The following MLIP variants were observed in gnomAD, a reference collection of about 807,000 sequenced individuals.
The protein encoded by MLIP is muscular LMNA interacting protein.
MLIP carries 79 observed loss-of-function variants against 84.8 expected under a neutral mutation model. That is an observed-to-expected ratio of 0.93 (90% CI 0.78 to 1.12). MLIP has a LOEUF of 1.12. Among genes scored for constraint, MLIP ranks in the 50% most tolerant of loss-of-function variants. The pLI is 0.00. For synonymous variants in MLIP, 504 were observed against 463.0 expected (o/e 1.09, Z -1.14); for missense variants, 1,257 against 1,160.6 (o/e 1.08, Z -1.21).
chr6:54,150,442 G>C (rs1773323730), intron 5 of MLIP, among the ~76,000 whole-genome samples: 1 of 152,164 alleles, frequency 6.6e-6, no homozygotes, highest in Non-Finnish European at 1.5e-5. Context: ...CATAATGGTG[G>C]GAGATGGTGG....
chr6:54,157,947 G>A (rs1353852800), intron 5 of MLIP, among the ~76,000 whole-genome samples: 1 of 152,132 alleles, frequency 6.6e-6, no homozygotes, highest in Non-Finnish European at 1.5e-5. Flanking sequence ...ATACAGAGAA[G>A]TGGATTTTGA....
chr6:54,189,866 G>A lies in MLIP; in HGVS notation c.2545-4G>A. 1.3e-6 allele frequency: 2 copies of A among 1,593,298 alleles called. No individual in the cohort carries two copies. The highest frequency in any genetic ancestry group is 1.7e-6 in the Non-Finnish European group (2 of 1,162,048). On this transcript the variant is annotated splice_polypyrimidine_tract_variant and splice_region_variant and intron_variant, in intron 9 of 13. Transcript: ENST00000502396. Reference sequence around the variant, plus strand: ...CTAATAAATGCCATGTTTATGTTTTGCAGGCAAATCTCTCCTCACCATCTT... The same window carrying A: ...CTAATAAATGCCATGTTTATGTTTTACAGGCAAATCTCTCCTCACCATCTT...
At chr6:54,034,912 T>C (rs1764340965) in intron 1 of MLIP, among the ~76,000 whole-genome samples, 1 of 152,176 alleles carries the variant, frequency 6.6e-6, no homozygotes, top group Admixed American at 6.5e-5. Flanking sequence ...TATACAGGTG[T>C]GCCATTTTTT....
chr6:54,253,901 T>C (rs1178156197), intron 12 of MLIP, among the ~76,000 whole-genome samples: 1 of 152,128 alleles, frequency 6.6e-6, no homozygotes, highest in Admixed American at 6.6e-5. Flanking sequence ...GTGCTTTGTC[T>C]CAATTCTCTT....
upstream of MLIP, among the ~76,000 whole-genome samples, chr6:54,107,123 T>C (rs1407229): frequency 0.56 from 84,427 of 152,090 alleles, 25,386 homozygotes; most frequent in South Asian, 0.71. Context: ...CTACCCTGTA[T>C]AGGGCTTATT....
At position 54,137,196 on chromosome 6, in the gene MLIP, G is replaced by T. The variant is rs1333229112; in HGVS notation, c.1127G>T (p.Ser376Ile). 6.5e-7 allele frequency: 1 copy of T among 1,536,010 alleles called. No homozygotes were observed. Among genetic ancestry groups the T allele is most frequent in the South Asian group, 1.2e-5 (1 of 84,050 alleles). Residue 376 changes from serine (S) to isoleucine (I), a missense_variant, in exon 4 of 14, where the codon AGC (serine) becomes ATC (isoleucine). Coordinates refer to ENST00000502396, the MANE Select transcript of MLIP (RefSeq NM_001281747.2). ...VRIVTHSLSP[S>I]PKPFTSSFHG... is the part of the protein sequence containing the mutation. ...ATTGTCACGCATTCACTCTCTCCGA[G>T]CCCCAAACCATTTACCTCCTCTTTC...
chr6:54,118,893 C>T (rs1055310223), intron 1 of MLIP, among the ~76,000 whole-genome samples: 14 of 152,032 alleles, frequency 9.2e-5, no homozygotes, highest in African/African-American at 3.4e-4. Flanking sequence ...CACAAATGGC[C>T]AACAGGTATA....
chr6:54,225,989 C>G (rs1023621969), intron 11 of MLIP, among the ~76,000 whole-genome samples: 13 of 152,090 alleles, frequency 8.5e-5, no homozygotes, highest in African/African-American at 3.1e-4. Flanking sequence ...AAGCTAAATC[C>G]TAGGCTGGCC....
At chr6:54,057,263 T>C (rs763869166) in intron 1 of MLIP, among the ~76,000 whole-genome samples, 7 of 152,100 alleles carry the variant, frequency 4.6e-5, no homozygotes, top group Non-Finnish European at 7.3e-5. Flanking sequence ...CTACACTGGG[T>C]AGATGGGAGG....
At position 54,189,907 on chromosome 6, in the gene MLIP, G is replaced by A. The variant is rs1481677562; in HGVS notation, c.2582G>A (p.Ser861Asn). 5 of 1,602,244 alleles carry A rather than the reference G, an allele frequency of 3.1e-6. No homozygotes were observed. The African/African-American group carries it at 5.4e-5, about 17-fold the overall frequency. Residue 861 changes from serine to asparagine, a missense_variant, in exon 10 of 14, where the codon AGT (serine) becomes AAT (asparagine). Physicochemically the swap from Ser to Asn is conservative, Grantham distance 46. Coordinates refer to ENST00000502396, the MANE Select transcript of MLIP (RefSeq NM_001281747.2). ...LSSPSSTVSE[S>N]QLTKPGVIRP... ...TCACCATCTTCTACAGTATCTGAGA[G>A]TCAGCTGGTATGTATCTTCTAAGTC...
At chr6:54,244,729 G>T (rs1781962117) in intron 12 of MLIP, among the ~76,000 whole-genome samples, 1 of 151,958 alleles carries the variant, frequency 6.6e-6, no homozygotes, top group Non-Finnish European at 1.5e-5. Context: ...TAAAACAGTT[G>T]GCTTTTAAAT....
intron 1 of MLIP, among the ~76,000 whole-genome samples, chr6:54,086,121 C>T (rs1424974603): frequency 6.6e-6 from 1 of 152,160 alleles, no homozygotes; most frequent in Admixed American, 6.5e-5. Flanking sequence ...CTCACATTTA[C>T]CACCTCTGCA....
intron 8 of MLIP, among the ~76,000 whole-genome samples, chr6:54,163,682 C>A (rs1774889787): frequency 6.6e-6 from 1 of 151,944 alleles, no homozygotes; most frequent in Admixed American, 6.6e-5. Context: ...CAAGCACATA[C>A]ATATACAATT....
intron 1 of MLIP, chr6:54,046,314 A>AT (rs1435258216): frequency 1.3e-5 from 2 of 150,966 alleles, no homozygotes; most frequent in Admixed American, 6.6e-5. Context: ...AAGAAAACTC[A>AT]TTTTTTATTT....
chr6:54,123,842 T>C (rs634042), intron 2 of MLIP, among the ~76,000 whole-genome samples: 58,228 of 152,020 alleles, frequency 0.38, 11,407 homozygotes, highest in Admixed American at 0.47. Context: ...TCTTGTAAAC[T>C]ATGTATTCAC....
rs559050858 is a variant in MLIP at position 54,187,914 on chromosome 6, G to T, written c.2545-1956G>T. On this transcript the variant is annotated intron_variant, in intron 9 of 13. Coordinates refer to ENST00000502396, the MANE Select transcript of MLIP (RefSeq NM_001281747.2). The stretch of plus-strand genomic sequence containing the variant: ...CTCAGGTATTCCGGAGGCTGAGCCA[G>T]CGGAATCACTTGAAACTGGGAGGCA... Among the ~76,000 whole-genome samples, 5 of 152,312 alleles carry T rather than the reference G, an allele frequency of 3.3e-5. No homozygotes were observed. The East Asian group carries it at 9.6e-4, about 29-fold the overall frequency.
At chr6:54,055,792 AT>A (rs1765627879) in intron 1 of MLIP, among the ~76,000 whole-genome samples, 1 of 152,166 alleles carries the variant, frequency 6.6e-6, no homozygotes, top group Non-Finnish European at 1.5e-5. Flanking sequence ...TAATAAGGTG[AT>A]CAGGGACTGC....
At chr6:54,170,913 AGAAAGTTT>A (rs1775704907) in intron 9 of MLIP, among the ~76,000 whole-genome samples, 2 of 151,516 alleles carry the variant, frequency 1.3e-5, no homozygotes, top group South Asian at 4.1e-4. Flanking sequence ...GTACAAGAAA[AGAAAGTTT>A]CCTAAAGGTG....
At chr6:54,190,474 T>G (rs1032010255) in intron 10 of MLIP, among the ~76,000 whole-genome samples, 6 of 152,182 alleles carry the variant, frequency 3.9e-5, no homozygotes, top group Non-Finnish European at 7.3e-5. Context: ...TTATTTAATG[T>G]TATATAAATA....
Sources: allele counts gnomAD v4.1 joint callset (sites outside exome capture counted in the v4.1 genomes callset), GRCh38; gene constraint gnomAD v4.1.1; transcripts MANE v1.5; gene names NCBI Gene and HGNC (gene_info 2026-07-23, HGNC 2026-07-21).